Variants in SPAG5 observed in about 807,000 individuals in gnomAD.
SPAG5 encodes sperm associated antigen 5.
In SPAG5, 99 loss-of-function variants were observed where a neutral mutation model predicts 145.4. That is an observed-to-expected ratio of 0.68 (90% CI 0.58 to 0.80). SPAG5 has a LOEUF of 0.80. Ranked by LOEUF, SPAG5 falls within the 30% of genes least tolerant of loss-of-function variation. The pLI, the probability that SPAG5 is intolerant of heterozygous loss-of-function variation, is 0.00. For missense variants in SPAG5, 1,192 were observed against 1,416.0 expected, an observed-to-expected ratio of 0.84 and a Z score of 2.54; for synonymous variants, 477 against 525.4, an observed-to-expected ratio of 0.91 and a Z score of 1.26.
rs777000218 is a variant in SPAG5, at chr17:28,592,824, T to A, written c.420A>T (p.Gln140His). 1 of 1,614,200 alleles carries A rather than the reference T, an allele frequency of 6.2e-7. No homozygotes were observed. The highest frequency in any genetic ancestry group is 1.7e-5 in the Admixed American group (1 of 60,030). ...AACGGGCCTCAAATATCATGTCTTG[T>A]TGCTGCCCCAGTGGAGATGGTACAA... is the stretch of plus-strand genomic sequence containing the variant. ...IVLVPSPLGQ[Q>H]QDMIFEARLD... The change falls in exon 3 of 24, where the codon CAA becomes CAT. Residue 140 changes from glutamine (Q) to histidine (H), a missense_variant. By Grantham distance (24) the Gln-to-His change is conservative. This residue lies in a region of SPAG5 where 329 missense variants were observed against 354.0 expected (regional missense o/e 0.93). Transcript: ENST00000321765.
chr17:28,598,354 G>C (rs535944200), intron 2 of SPAG5, 156 bp downstream of exon 2: 1 of 857,816 alleles, frequency 1.2e-6, no homozygotes, highest in African/African-American at 1.7e-5. Flanking sequence ...ACCACCCTAG[G>C]GCACCTCTCT....
In SPAG5 at chr17:28,592,114, G is replaced by T. The variant is rs563375286; in HGVS notation, c.1130C>A (p.Thr377Asn). 1.2e-5 allele frequency: 20 copies of T among 1,614,076 alleles called. No homozygotes were observed. Among genetic ancestry groups the T allele is most frequent in the Non-Finnish European group, 1.6e-5 (19 of 1,180,050 alleles). Residue 377 changes from threonine (T) to asparagine (N), a missense_variant, in exon 3 of 24, where the codon ACC (threonine) becomes AAC (asparagine). Thr to Asn is a moderately conservative substitution (Grantham distance 65). This residue lies in a region of SPAG5 where 125 missense variants were observed against 143.8 expected (regional missense o/e 0.87). Transcript: ENST00000321765. The part of the protein sequence containing the change: ...SMLRDAAIGT[T>N]PFSTCSVGTW... ...CCCCACCGAGCAAGTAGAGAAAGGGGTAGTGCCAATTGCAGCATCCCGAAG... is the reference window on the plus strand; with the variant it reads ...CCCCACCGAGCAAGTAGAGAAAGGGTTAGTGCCAATTGCAGCATCCCGAAG...
chr17:28,586,247 G>T, intron 5 of SPAG5, 65 bp from the exon 6 acceptor site: 1 of 1,428,782 alleles, frequency 7.0e-7, no homozygotes, highest in Non-Finnish European at 9.9e-7. Flanking sequence ...AGGGGCACTG[G>T]GGAGGAAAAC....
rs762759795 is a variant in SPAG5 at position 28,592,196 on chromosome 17, C to T, written c.1048G>A (p.Val350Ile). 1.9e-6 allele frequency: 3 copies of T among 1,614,170 alleles called. No individual in the cohort carries two copies. The highest frequency in any genetic ancestry group is 3.3e-5 in the Admixed American group (2 of 60,006). Residue 350 changes from valine to isoleucine, a missense_variant, in exon 3 of 24, where the codon GTA (valine) becomes ATA (isoleucine). This residue lies in a region of SPAG5 where 125 missense variants were observed against 143.8 expected (regional missense o/e 0.87). Transcript: ENST00000321765. Reference protein sequence around the residue: ...MSPLAWLEKGVNTSVMLENLR... With the variant: ...MSPLAWLEKGINTSVMLENLR... Reference sequence around the variant, plus strand: ...TTTTCCAGCATGACGGAGGTATTTACACCTTTTTCCAGCCAGGCCAGTGGG... The same window carrying T: ...TTTTCCAGCATGACGGAGGTATTTATACCTTTTTCCAGCCAGGCCAGTGGG...
chr17:28,587,986 G>A (rs968246309), intron 4 of SPAG5, among the ~76,000 whole-genome samples: 3 of 152,146 alleles, frequency 2.0e-5, no homozygotes, highest in African/African-American at 7.2e-5. Context: ...TGATCTCAAA[G>A]GCAGTAGAAC....
chr17:28,595,127 G>A (rs1047088940), intron 2 of SPAG5, among the ~76,000 whole-genome samples: 4 of 150,914 alleles, frequency 2.7e-5, no homozygotes, highest in Non-Finnish European at 5.9e-5. Context: ...GCATGGTGGC[G>A]GGTGCCTGTA....
chr17:28,578,130 G>C lies in SPAG5; in HGVS notation c.3430-40C>G, dbSNP rs1257888331. ...GATTTTATAAGTCCTATGCATAAAAGAGCAAACTTGGTAGGACAGGGGAAA... is the reference window on the plus strand; with the variant it reads ...GATTTTATAAGTCCTATGCATAAAACAGCAAACTTGGTAGGACAGGGGAAA... On this transcript the variant is annotated intron_variant, in intron 22 of 23. Coordinates refer to ENST00000321765, the MANE Select transcript of SPAG5 (RefSeq NM_006461.4). 7 of 1,610,212 alleles carry C rather than the reference G, an allele frequency of 4.3e-6. No homozygotes were observed. In the Admixed American group the frequency reaches 6.7e-5, roughly 15 times the overall value.
chr17:28,587,106 C>T (rs1178840300), intron 4 of SPAG5, among the ~76,000 whole-genome samples: 1 of 152,068 alleles, frequency 6.6e-6, no homozygotes, highest in African/African-American at 2.4e-5. Context: ...GAAAAATCCA[C>T]AGGTAGGTAA....
intron 2 of SPAG5, among the ~76,000 whole-genome samples, chr17:28,595,377 G>A (rs565508939): frequency 6.6e-6 from 1 of 151,840 alleles, no homozygotes; most frequent in Non-Finnish European, 1.5e-5. Context: ...ATTTATCTAA[G>A]ATACCAGAAA....
chr17:28,578,159 G>T, intron 22 of SPAG5, 59 bp downstream of exon 22: 4 of 1,606,754 alleles, frequency 2.5e-6, no homozygotes, highest in Non-Finnish European at 3.4e-6. Context: ...GGGGAAACAT[G>T]GCGGGGCATT....
At chr17:28,598,383 A>T in intron 2 of SPAG5, 127 bp downstream of exon 2, 2 of 1,197,304 alleles carry the variant, frequency 1.7e-6, no homozygotes, top group Non-Finnish European at 2.3e-6. Flanking sequence ...GAATAGCTGT[A>T]AATGGATGTC....
chr17:28,598,714 A>C (rs910960712), intron 1 of SPAG5, 79 bp from the exon 2 acceptor site: 20 of 1,548,464 alleles, frequency 1.3e-5, no homozygotes, highest in Non-Finnish European at 1.8e-6. Context: ...CTCCCTAAGA[A>C]GCCCAAAATG....
chr17:28,586,241 G>A, intron 5 of SPAG5, 59 bp from the exon 6 acceptor site: 1 of 1,443,530 alleles, frequency 6.9e-7, no homozygotes. Context: ...GGAAACAGGG[G>A]CACTGGGGAG....
Position 28,583,631 on chromosome 17 carries a change from G to T in SPAG5, c.2565C>A (p.Thr855=). Residue 855 remains threonine (T), a synonymous_variant, in exon 15 of 24, where the codon ACC becomes ACA. Transcript: ENST00000321765. The part of the protein sequence containing the change: ...VENLTAKLAS[T]IADNQEQDLE... Reference sequence around the variant, plus strand: ...GATCTTGCTCCTGGTTATCTGCTATGGTGCTGGCCAGTTTAGCCCTGAAAT... The same window carrying T: ...GATCTTGCTCCTGGTTATCTGCTATTGTGCTGGCCAGTTTAGCCCTGAAAT... 2 of 1,607,300 alleles carry T rather than the reference G, an allele frequency of 1.2e-6. No homozygotes were observed. The highest frequency in any genetic ancestry group is 2.2e-5 in the South Asian group (2 of 89,584).
chr17:28,595,377 G>C (rs565508939), intron 2 of SPAG5, among the ~76,000 whole-genome samples: 2 of 151,722 alleles, frequency 1.3e-5, no homozygotes. Flanking sequence ...ATTTATCTAA[G>C]ATACCAGAAA....
In SPAG5 at chr17:28,593,019, C is replaced by T; in HGVS notation, c.225G>A (p.Arg75=). The T allele has an allele frequency of 6.2e-7, 1 of 1,614,136 alleles. No homozygotes were observed. Among genetic ancestry groups the T allele is most frequent in the Middle Eastern group, 1.6e-4 (1 of 6,062 alleles). The part of the protein sequence containing the change: ...SSPVDFVNNK[R]TDLSSEHFSH... ...TGAAATGTTCTGAAGATAAGTCTGT[C>T]CTCTTGTTATTTACAAAATCCACTG... Residue 75 remains arginine (R), a synonymous_variant, in exon 3 of 24, where the codon AGG becomes AGA. Transcript: ENST00000321765.
Position 28,580,132 on chromosome 17 carries a change from G to A in SPAG5, c.2686-12C>T, listed in dbSNP as rs369769794. On this transcript the variant is annotated splice_polypyrimidine_tract_variant and intron_variant, in intron 15 of 23. Transcript: ENST00000321765. ...GTCTCTTGTTCAGTCTAAGGGCAAA[G>A]AAGAAAAAATAGCTGCTGTTCAGGT... 20 of 1,592,236 alleles carry A rather than the reference G, an allele frequency of 1.3e-5. 1 individual carries two copies. In the Middle Eastern group the frequency reaches 5.0e-4, roughly 40 times the overall value.
At chr17:28,586,746 G>A (rs2151521210) in intron 4 of SPAG5, among the ~76,000 whole-genome samples, 1 of 152,180 alleles carries the variant, frequency 6.6e-6, no homozygotes, top group Non-Finnish European at 1.5e-5. Flanking sequence ...TGGCCAGGCT[G>A]GTCTTGAACT....
At chr17:28,597,150 C>T (rs2070671139) in intron 2 of SPAG5, among the ~76,000 whole-genome samples, 1 of 152,066 alleles carries the variant, frequency 6.6e-6, no homozygotes, top group African/African-American at 2.4e-5. Context: ...GGCACAGTGG[C>T]TCACACCTGT....
Sources: allele counts gnomAD v4.1 joint callset (sites outside exome capture counted in the v4.1 genomes callset), GRCh38; gene constraint gnomAD v4.1.1; regional missense constraint gnomAD v4.1.1; transcripts MANE v1.5; gene names NCBI Gene and HGNC (gene_info 2026-07-23, HGNC 2026-07-21).